Variants in NRXN3 observed in about 807,000 individuals in gnomAD.
The protein encoded by NRXN3 is neurexin 3.
In NRXN3, 32 loss-of-function variants were observed where a neutral mutation model predicts 137.6. The ratio of observed to expected loss-of-function variants is 0.23; its 90% CI spans 0.18 to 0.31. The LOEUF is 0.31. Among genes scored for constraint, NRXN3 ranks in the 10% least tolerant of loss-of-function variants. The probability of loss-of-function intolerance (pLI) is 1.00; values close to 1 mark genes in which losing one functional copy is unlikely to be tolerated. For missense variants in NRXN3, 1,574 were observed against 2,062.5 expected (o/e 0.76, Z 4.59); for synonymous variants, 798 against 784.5 (o/e 1.02, Z -0.29).
chr14:78,278,650 A>G lies in NRXN3; in HGVS notation c.715A>G (p.Ser239Gly), dbSNP rs773102250. 36 of 1,535,052 alleles carry G rather than the reference A, an allele frequency of 2.3e-5. No homozygotes were observed. The South Asian group carries it at 3.6e-4, about 15-fold the overall frequency. The change falls in exon 3 of 21, where the codon AGT (serine) becomes GGT (glycine). Residue 239 changes from serine (S) to glycine (G), a missense_variant. Around this residue, in one of 5 missense-constraint regions of NRXN3, gnomAD observed 400 missense variants for 527.3 expected, o/e 0.76. Coordinates refer to ENST00000335750, the MANE Select transcript of NRXN3 (RefSeq NM_001330195.2). ...YGGKLCSEDV[S>G]QDPGLSHLMM... The stretch of plus-strand genomic sequence containing the variant: ...CTTTGAAAATGCTGCCACAGATGTC[A>G]GTCAAGATCCAGGTGAGTCTTTGTG...
At chr14:78,959,104 A>G (rs1395439119) in intron 11 of NRXN3, among the ~76,000 whole-genome samples, 2 of 152,086 alleles carry the variant, frequency 1.3e-5, no homozygotes, top group African/African-American at 2.4e-5. Context: ...GAGTTTCTAT[A>G]CTTCTGGAAT....
At chr14:79,098,856 G>A (rs1300837605) in intron 15 of NRXN3, among the ~76,000 whole-genome samples, 1 of 152,138 alleles carries the variant, frequency 6.6e-6, no homozygotes, top group Non-Finnish European at 1.5e-5. Flanking sequence ...TTTTTCCCCT[G>A]TATCTCACTA....
intron 15 of NRXN3, among the ~76,000 whole-genome samples, chr14:79,430,434 G>T (rs1194465747): frequency 1.3e-5 from 2 of 152,142 alleles, no homozygotes; most frequent in Admixed American, 1.3e-4. Context: ...GCAAATGGTA[G>T]TTGCACACCC....
At chr14:79,793,572 A>G (rs2099152078) in intron 19 of NRXN3, among the ~76,000 whole-genome samples, 1 of 152,200 alleles carries the variant, frequency 6.6e-6, no homozygotes, top group Non-Finnish European at 1.5e-5. Context: ...ATTTTTCAGA[A>G]CTGTTCTCAG....
At chr14:79,180,562 G>A (rs1313498915) in intron 15 of NRXN3, among the ~76,000 whole-genome samples, 2 of 151,954 alleles carry the variant, frequency 1.3e-5, no homozygotes, top group African/African-American at 4.8e-5. Context: ...TTAATTAACT[G>A]CTATTTTTTA....
intron 15 of NRXN3, among the ~76,000 whole-genome samples, chr14:79,184,893 T>A (rs2063335629): frequency 6.6e-6 from 1 of 152,192 alleles, no homozygotes; most frequent in Non-Finnish European, 1.5e-5. Flanking sequence ...TAGTTAAGGG[T>A]ACTGCACAAA....
intron 4 of NRXN3, among the ~76,000 whole-genome samples, chr14:78,507,309 A>T (rs2153785498): frequency 6.6e-6 from 1 of 152,350 alleles, no homozygotes; most frequent in South Asian, 2.1e-4. Flanking sequence ...ACATGTGGTT[A>T]GTGCAGGTCT....
At chr14:78,391,134 A>G (rs2090708414) in intron 4 of NRXN3, among the ~76,000 whole-genome samples, 1 of 152,180 alleles carries the variant, frequency 6.6e-6, no homozygotes, top group African/African-American at 2.4e-5. Flanking sequence ...ATGGCTGCAT[A>G]GTATTCTATG....
intron 19 of NRXN3, among the ~76,000 whole-genome samples, chr14:79,705,419 G>A (rs2098773646): frequency 6.6e-6 from 1 of 152,084 alleles, no homozygotes; most frequent in African/African-American, 2.4e-5. Flanking sequence ...GGGTGAAACC[G>A]GTGAGGCAGG....
chr14:78,946,165 T>C (rs1567785321), intron 10 of NRXN3, among the ~76,000 whole-genome samples: 1 of 152,232 alleles, frequency 6.6e-6, no homozygotes, highest in Non-Finnish European at 1.5e-5. Context: ...CTTATGACTA[T>C]TGTCTGGTGG....
chr14:78,796,206 C>A (rs1394629896), intron 8 of NRXN3, among the ~76,000 whole-genome samples: 2 of 152,226 alleles, frequency 1.3e-5, no homozygotes, highest in African/African-American at 4.8e-5. Context: ...CCAATTGTCT[C>A]TTCCTCAGCT....
chr14:79,823,638 G>C (rs1024067978), intron 20 of NRXN3, among the ~76,000 whole-genome samples: 1 of 152,184 alleles, frequency 6.6e-6, no homozygotes, highest in Admixed American at 6.5e-5. Flanking sequence ...TGTAATCAGA[G>C]AGAAGGGATA....
chr14:79,189,993 CAAAG>C, intron 15 of NRXN3, among the ~76,000 whole-genome samples: 1 of 152,082 alleles, frequency 6.6e-6, no homozygotes, highest in South Asian at 2.1e-4. Context: ...TATGTTCTGA[CAAAG>C]AAGCACATTG....
intron 4 of NRXN3, among the ~76,000 whole-genome samples, chr14:78,407,442 C>G (rs73316045): frequency 0.025 from 3,756 of 152,222 alleles, 131 homozygotes; most frequent in African/African-American, 0.081. Flanking sequence ...GTTATTCTAG[C>G]AAAGAAACCT....
intron 4 of NRXN3, among the ~76,000 whole-genome samples, chr14:78,389,068 T>G (rs1028717906): frequency 2.4e-4 from 36 of 151,866 alleles, no homozygotes; most frequent in Admixed American, 2.0e-4. Flanking sequence ...TTTTTTTTTT[T>G]TTTGTTTGAG....
intron 8 of NRXN3, among the ~76,000 whole-genome samples, chr14:78,783,391 C>A (rs1027670856): frequency 6.6e-6 from 1 of 152,084 alleles, no homozygotes; most frequent in South Asian, 2.1e-4. Context: ...CAACAAAAGA[C>A]TGAGGAACTA....
rs1472034672 is a variant in NRXN3 at position 79,262,401 on chromosome 14, G to A, written c.3263-204820G>A. ...AAAAGAGGGAGAAGGAAGAAGAAAGGAGGAGGAGGAAGAAGGAAAAGGAGA... is the reference window on the plus strand; with the variant it reads ...AAAAGAGGGAGAAGGAAGAAGAAAGAAGGAGGAGGAAGAAGGAAAAGGAGA... On this transcript the variant is annotated intron_variant, in intron 15 of 20. Transcript: ENST00000335750. 1.8e-4 allele frequency among the ~76,000 whole-genome samples: 27 copies of A among 151,114 alleles called. 1 individual carries two copies. Among genetic ancestry groups the A allele is most frequent in the Admixed American group, 1.5e-3 (22 of 15,160 alleles).
intron 15 of NRXN3, among the ~76,000 whole-genome samples, chr14:79,020,118 T>TTTTCC (rs1368781657): frequency 1.4e-5 from 2 of 141,636 alleles, no homozygotes; most frequent in African/African-American, 5.5e-5. Flanking sequence ...GGTTGCTTTC[T>TTTTCC]TTTCCTTTCC....
chr14:78,518,437 G>A (rs1424159787), intron 4 of NRXN3, among the ~76,000 whole-genome samples: 3 of 152,100 alleles, frequency 2.0e-5, no homozygotes, highest in Non-Finnish European at 4.4e-5. Flanking sequence ...ATCAGAAAGT[G>A]TGCCTAATTT....
Sources: gnomAD v4.1 joint callset for allele counts (sites outside exome capture counted in the v4.1 genomes callset) on GRCh38, gnomAD v4.1.1 for gene constraint, gnomAD v4.1.1 regional missense constraint, MANE v1.5 for transcripts, NCBI Gene and HGNC (gene_info 2026-07-23, HGNC 2026-07-21) for gene names.